Variants in R3HDML observed in about 807,000 individuals in gnomAD.
The protein encoded by R3HDML is peptidase inhibitor R3HDML.
Under a neutral mutation model 24.2 loss-of-function variants are expected in R3HDML, and 21 were observed. The observed-to-expected ratio is 0.87, with a 90% CI of 0.62 to 1.25. The LOEUF is 1.25. Among genes scored for constraint, R3HDML ranks in the 50% most tolerant of loss-of-function variants. The probability of loss-of-function intolerance (pLI) is 0.00; values close to 1 mark genes in which losing one functional copy is unlikely to be tolerated. For synonymous variants in R3HDML, 133 were observed against 131.5 expected, an observed-to-expected ratio of 1.01 and a Z score of -0.08; for missense variants, 301 against 340.3, an observed-to-expected ratio of 0.88 and a Z score of 0.91.
rs781678914 is a variant in R3HDML, at chr20:44,343,387, G to T, written c.391G>T (p.Val131Leu). 1.2e-6 allele frequency: 2 copies of T among 1,611,114 alleles called. No individual in the cohort carries two copies. Among genetic ancestry groups the T allele is most frequent in the African/African-American group, 1.3e-5 (1 of 74,798 alleles). The change falls in exon 3 of 5, where the codon GTA (valine) becomes TTA (leucine). Residue 131 changes from valine (V) to leucine (L), a missense_variant. By Grantham distance (32) the Val-to-Leu change is conservative (BLOSUM62 1). Coordinates refer to ENST00000217043, the MANE Select transcript of R3HDML (RefSeq NM_178491.4). Reference protein sequence around the residue: ...LSIHSGQYRSVVDLMKSWSEE... With the variant: ...LSIHSGQYRSLVDLMKSWSEE... ...CCCCCGCCTCCCCAGGTACCGGTCC[G>T]TAGTGGATCTCATGAAGTCCTGGTC... is the stretch of plus-strand genomic sequence containing the variant.
At chr20:44,345,436 T>G (rs562899161) in intron 4 of R3HDML, 58 bp downstream of exon 4, 1 of 1,201,776 alleles carries the variant, frequency 8.3e-7, no homozygotes, top group Non-Finnish European at 1.2e-6. Context: ...GTCCTGAGAA[T>G]TCAAAGAAAG....
chr20:44,339,112 C>A (rs1365310284), intron 1 of R3HDML, among the ~76,000 whole-genome samples: 8 of 151,294 alleles, frequency 5.3e-5, no homozygotes, highest in African/African-American at 1.9e-4. Context: ...CTGGTAGATA[C>A]CTGGACCCCT....
At chr20:44,344,166 A>C (rs1180689372) in intron 3 of R3HDML, among the ~76,000 whole-genome samples, 1 of 152,124 alleles carries the variant, frequency 6.6e-6, no homozygotes, top group Non-Finnish European at 1.5e-5. Context: ...CTATAATCTC[A>C]GCTACTCGGG....
intron 4 of R3HDML, among the ~76,000 whole-genome samples, chr20:44,347,321 C>T (rs929689811): frequency 2.0e-5 from 3 of 151,724 alleles, no homozygotes; most frequent in South Asian, 2.1e-4. Flanking sequence ...TGGGTTCAAG[C>T]AATCCTCCCG....
chr20:44,337,232 A>G lies in R3HDML; in HGVS notation c.75A>G (p.Ile25Met), dbSNP rs752956720. Residue 25 changes from isoleucine to methionine, a missense_variant, in exon 1 of 5, where the codon ATA (isoleucine) becomes ATG (methionine). Physicochemically the swap from Ile to Met is conservative, Grantham distance 10. Transcript: ENST00000217043. This position sits in a 1 kb window ranked among gnomAD's most constrained non-coding sequence, Gnocchi z 4.7. ...CTGGCCAGGCAGTGAACGCCTTGATAATGCCTAATGCTACCCCAGCCCCGG... is the reference window on the plus strand; with the variant it reads ...CTGGCCAGGCAGTGAACGCCTTGATGATGCCTAATGCTACCCCAGCCCCGG... ...FWAGQAVNAL[I>M]MPNATPAPAQ... is the part of the protein sequence containing the mutation. 6.2e-7 allele frequency: 1 copy of G among 1,613,878 alleles called. No individual in the cohort carries two copies. The highest frequency in any genetic ancestry group is 1.7e-5 in the Admixed American group (1 of 60,022).
At chr20:44,340,252 G>C (rs1367674188) in intron 1 of R3HDML, among the ~76,000 whole-genome samples, 1 of 151,750 alleles carries the variant, frequency 6.6e-6, no homozygotes, top group Non-Finnish European at 1.5e-5. Context: ...ACCATGCCTG[G>C]CCTAATTTTT....
chr20:44,343,341 C>T (rs371745804), intron 2 of R3HDML, 36 bp from the exon 3 acceptor site: 44 of 1,604,768 alleles, frequency 2.7e-5, no homozygotes, highest in Non-Finnish European at 3.7e-5. Flanking sequence ...TTTCCATCCT[C>T]TCACCCAGCT....
chr20:44,350,559 G>C (rs933076031), intron 4 of R3HDML, 101 bp from the exon 5 acceptor site: 1 of 1,123,208 alleles, frequency 8.9e-7, no homozygotes, highest in African/African-American at 1.6e-5. Context: ...ACTTGCCCCA[G>C]GTCCCCAGGG....
At chr20:44,339,021 C>T (rs536921591) in intron 1 of R3HDML, among the ~76,000 whole-genome samples, 8 of 148,076 alleles carry the variant, frequency 5.4e-5, no homozygotes, top group African/African-American at 1.5e-4. Context: ...TGCAGTGAGC[C>T]GAGATCCAGC....
rs1035771019 is a variant in R3HDML, at chr20:44,337,506, T to G, written c.261+88T>G. ...CATCTTGGCCTAGAATGACTGGCTT[T>G]GAAGAGCTGGACCACTTGCCTGCCT... On this transcript the variant is annotated intron_variant, in intron 1 of 4. Coordinates refer to ENST00000217043, the MANE Select transcript of R3HDML (RefSeq NM_178491.4). This position sits in a 1 kb window ranked among gnomAD's most constrained non-coding sequence, Gnocchi z 4.7. 4 of 1,452,160 alleles carry G rather than the reference T, an allele frequency of 2.8e-6. No individual in the cohort carries two copies. The highest frequency in any genetic ancestry group is 2.8e-5 in the African/African-American group (2 of 71,768). 90.0% of individuals were successfully genotyped at this position (1,452,160 alleles called of 1,614,324 possible).
chr20:44,345,307 C>G lies in R3HDML; in HGVS notation c.558C>G (p.Thr186=). Residue 186 remains threonine, a synonymous_variant, in exon 4 of 5, where the codon ACC becomes ACG. Transcript: ENST00000217043. ...ATCGGCTGGGCTGTGCCATCCACAC[C>G]TGTAGTAGCATCAGTGTCTGGGGCA... ...SSNRLGCAIH[T]CSSISVWGNT... 6.2e-7 allele frequency: 1 copy of G among 1,614,190 alleles called. No homozygotes were observed. The highest frequency in any genetic ancestry group is 1.1e-5 in the South Asian group (1 of 91,086).
In R3HDML at chr20:44,337,612, A is replaced by G. The variant is rs920226072; in HGVS notation, c.261+194A>G. Among the ~76,000 whole-genome samples the G allele has an allele frequency of 6.6e-6, 1 of 152,254 alleles. No homozygotes were observed. Reference sequence around the variant, plus strand: ...GCCCATTTTACAGATGAGGAAACCAAGAAGGTTGCACAGCTGTTCCAGTGA... The same window carrying G: ...GCCCATTTTACAGATGAGGAAACCAGGAAGGTTGCACAGCTGTTCCAGTGA... On this transcript the variant is annotated intron_variant, in intron 1 of 4. Coordinates refer to ENST00000217043, the MANE Select transcript of R3HDML (RefSeq NM_178491.4). The surrounding 1 kb of genome is among the most constrained non-coding windows in gnomAD (Gnocchi z 4.7).
In R3HDML at chr20:44,337,691, G is replaced by C. The variant is rs115102213; in HGVS notation, c.261+273G>C. ...CACCACTGTGCGCCAGGCACTGCAC[G>C]TGAGTATCATCTCCATTTTCCAGAG... is the stretch of plus-strand genomic sequence containing the variant. On this transcript the variant is annotated intron_variant, in intron 1 of 4. Coordinates refer to ENST00000217043, the MANE Select transcript of R3HDML (RefSeq NM_178491.4). This position sits in a 1 kb window ranked among gnomAD's most constrained non-coding sequence, Gnocchi z 4.7. 6.6e-6 allele frequency among the ~76,000 whole-genome samples: 1 copy of C among 152,174 alleles called. No homozygotes were observed. The highest frequency in any genetic ancestry group is 6.6e-5 in the Admixed American group (1 of 15,266).
At chr20:44,342,674 G>A (rs188014562) in intron 2 of R3HDML, among the ~76,000 whole-genome samples, 7 of 152,164 alleles carry the variant, frequency 4.6e-5, no homozygotes, top group Admixed American at 3.3e-4. Context: ...CTCAGAGGCC[G>A]GGTGCGGTGG....
intron 4 of R3HDML, chr20:44,347,954 ATTT>A (rs35413702): frequency 0.28 from 29,119 of 105,678 alleles, 2,920 homozygotes; most frequent in Admixed American, 0.41. Flanking sequence ...ATAGCGTCTA[ATTT>A]TTTTTTTTTT....
chr20:44,341,347 C>T (rs1425223168), intron 2 of R3HDML, 33 bp downstream of exon 2: 1 of 1,511,430 alleles, frequency 6.6e-7, no homozygotes, highest in African/African-American at 1.4e-5. Flanking sequence ...TTCACTCAGT[C>T]ATTCAACAAA....
rs1157587834 is a variant in R3HDML at position 44,344,293 on chromosome 20, A to AG, written c.513+784_513+785insG. On this transcript the variant is annotated intron_variant, in intron 3 of 4. Coordinates refer to ENST00000217043, the MANE Select transcript of R3HDML (RefSeq NM_178491.4). ...GAGACTCCGTCTCAAAAAAAAAAAA[A>AG]AAGTGAAGCTTGGTGGTGCACACCT... 4.0e-5 allele frequency among the ~76,000 whole-genome samples: 6 copies of AG among 151,852 alleles called. 1 individual carries two copies.
Position 44,343,506 on chromosome 20 carries a change from C to T in R3HDML, c.510C>T (p.Thr170=). ...RCDGPTCSHY[T]QMVWASSNRL... ...ATGGCCCCACCTGCTCCCATTATAC[C>T]CAGGTACTCCTCCGTCAGGGCTGAG... Residue 170 remains threonine, a synonymous_variant, in exon 3 of 5, where the codon ACC becomes ACT. Coordinates refer to ENST00000217043, the MANE Select transcript of R3HDML (RefSeq NM_178491.4). The T allele has an allele frequency of 6.2e-7, 1 of 1,601,252 alleles. No homozygotes were observed. Among genetic ancestry groups the T allele is most frequent in the Non-Finnish European group, 8.5e-7 (1 of 1,173,978 alleles).
Position 44,350,860 on chromosome 20 carries a change from G to A in R3HDML, c.*68G>A. 6.4e-7 allele frequency: 1 copy of A among 1,559,558 alleles called. No individual in the cohort carries two copies. The highest frequency in any genetic ancestry group is 8.7e-7 in the Non-Finnish European group (1 of 1,146,220). Reference sequence around the variant, plus strand: ...TCCATGTCCTGCCCTCAAAAAACTGGGTGGAGAAATAATTGTTTCTTTAAA... The same window carrying A: ...TCCATGTCCTGCCCTCAAAAAACTGAGTGGAGAAATAATTGTTTCTTTAAA... On this transcript the variant is annotated 3_prime_UTR_variant, in exon 5 of 5. Transcript: ENST00000217043.
Sources: gnomAD v4.1 joint callset for allele counts (sites outside exome capture counted in the v4.1 genomes callset) on GRCh38, gnomAD v4.1.1 for gene constraint, Gnocchi (gnomAD v3.1) non-coding constraint, MANE v1.5 for transcripts, NCBI Gene and HGNC (gene_info 2026-07-23, HGNC 2026-07-21) for gene names.